The following DCLK1 variants were observed in gnomAD, a reference collection of about 807,000 sequenced individuals.
The protein encoded by DCLK1 is serine/threonine-protein kinase DCLK1.
DCLK1 carries 16 observed loss-of-function variants against 86.2 expected under a neutral mutation model. The ratio of observed to expected loss-of-function variants is 0.19; its 90% CI spans 0.13 to 0.28. The LOEUF is 0.28. Among genes scored for constraint, DCLK1 ranks in the 10% least tolerant of loss-of-function variants. The pLI, the probability that DCLK1 is intolerant of heterozygous loss-of-function variation, is 1.00. For synonymous variants in DCLK1, 369 were observed against 370.5 expected (o/e 1.00, Z 0.05); for missense variants, 590 against 940.2 (o/e 0.63, Z 4.87).
At chr13:36,084,785 T>C (rs1424714098) in intron 3 of DCLK1, among the ~76,000 whole-genome samples, 1 of 152,176 alleles carries the variant, frequency 6.6e-6, no homozygotes, top group Non-Finnish European at 1.5e-5. Context: ...CCAATGCAAA[T>C]GGCCTTCGCT....
intron 3 of DCLK1, among the ~76,000 whole-genome samples, chr13:36,078,434 C>A (rs1389680950): frequency 2.0e-5 from 3 of 152,164 alleles, no homozygotes; most frequent in Non-Finnish European, 4.4e-5. Context: ...CCCCTCCAAG[C>A]CCTTGATGAT....
intron 3 of DCLK1, among the ~76,000 whole-genome samples, chr13:36,082,919 T>C (rs1458949385): frequency 6.6e-6 from 1 of 152,046 alleles, no homozygotes; most frequent in Non-Finnish European, 1.5e-5. Context: ...AAAAAGGCAA[T>C]AGTTGCCTCA....
chr13:36,013,828 T>C (rs1881404254), intron 3 of DCLK1, among the ~76,000 whole-genome samples: 2 of 152,182 alleles, frequency 1.3e-5, no homozygotes, highest in Non-Finnish European at 2.9e-5. Context: ...TCCCCCAGCC[T>C]CTCTGCCGCC....
At chr13:35,977,243 A>G (rs1879395416) in intron 3 of DCLK1, among the ~76,000 whole-genome samples, 1 of 152,212 alleles carries the variant, frequency 6.6e-6, no homozygotes, top group Admixed American at 6.5e-5. Context: ...CATAAATGCC[A>G]GCTGATTATG....
chr13:35,852,291 T>C (rs1217268150), intron 6 of DCLK1, among the ~76,000 whole-genome samples: 1 of 152,140 alleles, frequency 6.6e-6, no homozygotes, highest in African/African-American at 2.4e-5. Flanking sequence ...CTGGGAGGGA[T>C]TATTTGATGC....
intron 3 of DCLK1, among the ~76,000 whole-genome samples, chr13:35,959,433 T>G (rs1029473192): frequency 6.6e-6 from 1 of 152,146 alleles, no homozygotes; most frequent in African/African-American, 2.4e-5. Flanking sequence ...GGGACTGCAC[T>G]GACCTGGAAC....
In DCLK1 at chr13:35,774,486, T is replaced by A. The variant is rs749915788; in HGVS notation, c.*49A>T. The A allele has an allele frequency of 8.8e-5, 135 of 1,540,930 alleles. No homozygotes were observed. The highest frequency in any genetic ancestry group is 1.1e-4 in the Non-Finnish European group (122 of 1,140,672). On this transcript the variant is annotated 3_prime_UTR_variant, in exon 17 of 17. Coordinates refer to ENST00000360631, the MANE Select transcript of DCLK1 (RefSeq NM_001330071.2). Reference sequence around the variant, plus strand: ...TTTACACAAATTTGGGGGAAAAAAATCTCAGAGTCTCAAAGGGTTAAGCTA... The same window carrying A: ...TTTACACAAATTTGGGGGAAAAAAAACTCAGAGTCTCAAAGGGTTAAGCTA...
intron 3 of DCLK1, among the ~76,000 whole-genome samples, chr13:36,107,407 G>A (rs1056644410): frequency 4.1e-5 from 6 of 147,132 alleles, no homozygotes; most frequent in Non-Finnish European, 7.4e-5. Flanking sequence ...GCAGTGGCGC[G>A]ATCTCGACTC....
At chr13:36,007,666 G>T (rs1193075155) in intron 3 of DCLK1, among the ~76,000 whole-genome samples, 1 of 152,030 alleles carries the variant, frequency 6.6e-6, no homozygotes, top group African/African-American at 2.4e-5. Context: ...TTTCCTTTAG[G>T]ATCTTTTCCA....
chr13:36,017,807 C>T (rs1441763827), intron 3 of DCLK1, among the ~76,000 whole-genome samples: 1 of 152,114 alleles, frequency 6.6e-6, no homozygotes, highest in Admixed American at 6.5e-5. Context: ...ACAACTGCAA[C>T]TCTCATCACA....
intron 3 of DCLK1, among the ~76,000 whole-genome samples, chr13:36,080,596 C>G (rs1366994182): frequency 6.6e-6 from 1 of 152,042 alleles, no homozygotes; most frequent in Non-Finnish European, 1.5e-5. Flanking sequence ...ATCTTGGTCC[C>G]GAAATATTCT....
At chr13:35,852,089 T>C (rs545861865) in intron 6 of DCLK1, among the ~76,000 whole-genome samples, 2 of 151,944 alleles carry the variant, frequency 1.3e-5, no homozygotes, top group Non-Finnish European at 2.9e-5. Context: ...AAGGAAAAAA[T>C]AGAAGTAGCT....
At chr13:35,990,958 G>A (rs1277053665) in intron 3 of DCLK1, among the ~76,000 whole-genome samples, 3 of 152,164 alleles carry the variant, frequency 2.0e-5, no homozygotes, top group Non-Finnish European at 2.9e-5. Context: ...ACTGCCTCAG[G>A]CTTCCTGGTG....
chr13:35,797,653 A>G (rs932095148), intron 15 of DCLK1, among the ~76,000 whole-genome samples: 49 of 152,132 alleles, frequency 3.2e-4, no homozygotes, highest in African/African-American at 1.0e-3. Context: ...TAGGTAAAAC[A>G]CATACATGTA....
chr13:36,022,901 G>C (rs1194545455), intron 3 of DCLK1, among the ~76,000 whole-genome samples: 1 of 152,100 alleles, frequency 6.6e-6, no homozygotes, highest in Non-Finnish European at 1.5e-5. Flanking sequence ...CATTCTTTGA[G>C]GCTAGTATTA....
intron 3 of DCLK1, among the ~76,000 whole-genome samples, chr13:36,044,566 G>T (rs1022773220): frequency 2.0e-5 from 3 of 152,058 alleles, no homozygotes; most frequent in African/African-American, 7.2e-5. Flanking sequence ...TCAAGAAACA[G>T]ATAGGTACAT....
intron 5 of DCLK1, among the ~76,000 whole-genome samples, chr13:35,870,323 C>A (rs1453683121): frequency 6.6e-6 from 1 of 152,080 alleles, no homozygotes; most frequent in Admixed American, 6.5e-5. Flanking sequence ...GCTGGGTGGT[C>A]TAGCTGGCCC....
intron 3 of DCLK1, among the ~76,000 whole-genome samples, chr13:35,966,996 G>C (rs560253697): frequency 3.4e-5 from 5 of 148,702 alleles, no homozygotes; most frequent in Non-Finnish European, 5.9e-5. Context: ...CCTTCTGCCC[G>C]GCTGCCCAGT....
At position 35,806,723 on chromosome 13, in the gene DCLK1, G is replaced by A. The variant is rs146968713; in HGVS notation, c.1864-944C>T. 1.3e-5 allele frequency among the ~76,000 whole-genome samples: 2 copies of A among 152,328 alleles called. 1 individual carries two copies. Among genetic ancestry groups the A allele is most frequent in the Non-Finnish European group, 2.9e-5 (2 of 68,026 alleles). On this transcript the variant is annotated intron_variant, in intron 14 of 16. Transcript: ENST00000360631. ...GATGCCCTTTGCAGGTGCTATGGAG[G>A]TGTAGGAGATGGTCCTATTTGTCAG...
Sources: gnomAD v4.1 joint callset for allele counts (sites outside exome capture counted in the v4.1 genomes callset) on GRCh38, gnomAD v4.1.1 for gene constraint, MANE v1.5 for transcripts, NCBI Gene and HGNC (gene_info 2026-07-23, HGNC 2026-07-21) for gene names.